NCEH1: variants seen among roughly 807,000 people sequenced by gnomAD.
NCEH1 encodes the protein neutral cholesterol ester hydrolase 1.
Under a neutral mutation model 25.4 loss-of-function variants are expected in NCEH1, and 9 were observed. The ratio of observed to expected loss-of-function variants is 0.35; its 90% CI spans 0.21 to 0.62. The LOEUF (loss-of-function observed/expected upper bound fraction) is 0.62. NCEH1 is among the 20% of genes least tolerant of loss of function. NCEH1 has a pLI of 0.72. For synonymous variants in NCEH1, 200 were observed against 199.8 expected (o/e 1.00, Z -0.01); for missense variants, 412 against 501.1 (o/e 0.82, Z 1.70).
chr3:172,663,537 A>G (rs570761005), intron 1 of NCEH1, among the ~76,000 whole-genome samples: 1 of 152,232 alleles, frequency 6.6e-6, no homozygotes, highest in African/African-American at 2.4e-5. Context: ...TGCCTCGTTG[A>G]TCTGTCTAAT....
At chr3:172,666,834 C>T (rs1718230338) in intron 1 of NCEH1, among the ~76,000 whole-genome samples, 1 of 152,252 alleles carries the variant, frequency 6.6e-6, no homozygotes, top group African/African-American at 2.4e-5. Context: ...TTTTTACAGC[C>T]TAGAGAAGTA....
Position 172,632,513 on chromosome 3 carries a change from A to ATG in NCEH1, c.*961_*962insCA, listed in dbSNP as rs1177209353. 2 of 152,604 alleles carry ATG rather than the reference A, an allele frequency of 1.3e-5. No homozygotes were observed. The highest frequency in any genetic ancestry group is 2.9e-5 in the Non-Finnish European group (2 of 68,038). The allele number at this position is 152,604 out of a possible 1,614,324, so 9.5% of individuals were successfully genotyped here. ...AAGTGAAAAAATTGAGTTTTCAATA[A>ATG]TAGACTAGACCTTCTAAAGGTATTT... On this transcript the variant is annotated 3_prime_UTR_variant, in exon 5 of 5. Transcript: ENST00000475381.
At position 172,668,509 on chromosome 3, in the gene NCEH1, C is replaced by T. The variant is rs375116144; in HGVS notation, c.139-20395G>A. ...AGCTGGGACTACAGGCACCTGCCAC[C>T]ACACCTGGCTAATTTTTGTATTTTT... On this transcript the variant is annotated intron_variant, in intron 1 of 4. Transcript: ENST00000475381. Among the ~76,000 whole-genome samples the T allele has an allele frequency of 2.6e-5, 4 of 152,028 alleles. No homozygotes were observed. The South Asian group carries it at 6.2e-4, about 24-fold the overall frequency.
intron 1 of NCEH1, among the ~76,000 whole-genome samples, chr3:172,710,307 T>C (rs1317583204): frequency 1.3e-5 from 2 of 152,216 alleles, no homozygotes; most frequent in Non-Finnish European, 2.9e-5. Context: ...CTATGGTTCC[T>C]CAAGTGCTTG....
chr3:172,656,967 C>T (rs1717726187), intron 1 of NCEH1, among the ~76,000 whole-genome samples: 1 of 152,130 alleles, frequency 6.6e-6, no homozygotes, highest in Admixed American at 6.6e-5. Flanking sequence ...ACTTTCTTCC[C>T]TCTTCTCCAG....
intron 1 of NCEH1, among the ~76,000 whole-genome samples, chr3:172,707,846 A>T (rs1053729874): frequency 9.9e-5 from 15 of 152,216 alleles, no homozygotes; most frequent in Non-Finnish European, 1.5e-4. Context: ...TCGGCCTCCC[A>T]AAGTGCTGGG....
intron 1 of NCEH1, among the ~76,000 whole-genome samples, chr3:172,653,558 G>A (rs1015348055): frequency 1.5e-4 from 23 of 152,068 alleles, no homozygotes; most frequent in Non-Finnish European, 5.9e-5. Context: ...ATAAAGGGTT[G>A]CACAAGCTCA....
chr3:172,642,603 C>CAAAAAAAAAAAAA (rs66551744), intron 3 of NCEH1, among the ~76,000 whole-genome samples: 1 of 83,904 alleles, frequency 1.2e-5, no homozygotes, highest in East Asian at 2.9e-4. Flanking sequence ...GCTATTTCTA[C>CAAAAAAAAAAAAA]AAAAAAAAAA....
At chr3:172,651,234 G>A (rs1234432307) in intron 1 of NCEH1, among the ~76,000 whole-genome samples, 2 of 152,054 alleles carry the variant, frequency 1.3e-5, no homozygotes, top group African/African-American at 4.8e-5. Flanking sequence ...AGGGGCTGCA[G>A]GACTTACAGA....
chr3:172,638,373 T>A (rs1486966605), intron 3 of NCEH1, among the ~76,000 whole-genome samples: 3 of 147,798 alleles, frequency 2.0e-5, no homozygotes, highest in Non-Finnish European at 3.0e-5. Flanking sequence ...CCATCTGGGG[T>A]GGTCAATTAA....
intron 1 of NCEH1, among the ~76,000 whole-genome samples, chr3:172,665,894 C>T (rs1294109506): frequency 2.6e-5 from 4 of 152,226 alleles, no homozygotes; most frequent in South Asian, 2.1e-4. Context: ...TCTGTCACAG[C>T]TTCCCTTGGC....
chr3:172,697,999 C>T (rs576742090), intron 1 of NCEH1, among the ~76,000 whole-genome samples: 53 of 100,366 alleles, frequency 5.3e-4, no homozygotes, highest in Middle Eastern at 9.8e-3. Context: ...TTTTTTGAGA[C>T]GGAGTCTCAC....
intron 1 of NCEH1, among the ~76,000 whole-genome samples, chr3:172,695,713 G>A (rs546726568): frequency 6.6e-6 from 1 of 152,262 alleles, no homozygotes; most frequent in South Asian, 2.1e-4. Context: ...GGAGGCCGAG[G>A]TGGGTGGATC....
chr3:172,666,540 A>G (rs1410199807), intron 1 of NCEH1, among the ~76,000 whole-genome samples: 1 of 152,122 alleles, frequency 6.6e-6, no homozygotes, highest in Non-Finnish European at 1.5e-5. Flanking sequence ...CTTGCCTAAT[A>G]AACTCTCCAC....
At chr3:172,641,081 AGAGT>A (rs1380321717) in intron 3 of NCEH1, among the ~76,000 whole-genome samples, 1 of 152,196 alleles carries the variant, frequency 6.6e-6, no homozygotes, top group Non-Finnish European at 1.5e-5. Flanking sequence ...CCTAGGCAAC[AGAGT>A]GAGACTCTGT....
intron 1 of NCEH1, among the ~76,000 whole-genome samples, chr3:172,656,490 G>T (rs1244340891): frequency 6.6e-6 from 1 of 152,126 alleles, no homozygotes; most frequent in Non-Finnish European, 1.5e-5. Flanking sequence ...TTTTTGGCTG[G>T]GCGCAGTGGC....
chr3:172,683,580 G>A (rs1712527915), intron 1 of NCEH1, among the ~76,000 whole-genome samples: 1 of 151,972 alleles, frequency 6.6e-6, no homozygotes, highest in Non-Finnish European at 1.5e-5. Context: ...TCAGGAGGCT[G>A]AGATGGGAGG....
Position 172,690,858 on chromosome 3 carries a change from AT to A in NCEH1, c.138+19988del, listed in dbSNP as rs546888936. Among the ~76,000 whole-genome samples, 1,095 of 151,732 alleles carry A rather than the reference AT, an allele frequency of 7.2e-3. 12 individuals are homozygous for A. Among genetic ancestry groups the A allele is most frequent in the Non-Finnish European group, 0.013 (851 of 67,884 alleles). Reference sequence around the variant, plus strand: ...TTGTGTTAAGGTGAGATTATAGGTAATTTTTTTTTCTATTTTCCAAAATTTC... The same window carrying A: ...TTGTGTTAAGGTGAGATTATAGGTAATTTTTTTTCTATTTTCCAAAATTTC... On this transcript the variant is annotated intron_variant, in intron 1 of 4. Transcript: ENST00000475381.
At chr3:172,674,959 A>G (rs150222101) in intron 1 of NCEH1, among the ~76,000 whole-genome samples, 1,590 of 152,322 alleles carry the variant, frequency 0.01, 18 homozygotes, top group Non-Finnish European at 0.016. Context: ...AAGGTTGGTA[A>G]TATAATGCAC....
Sources: allele counts gnomAD v4.1 joint callset (sites outside exome capture counted in the v4.1 genomes callset), GRCh38; gene constraint gnomAD v4.1.1; transcripts MANE v1.5; gene names NCBI Gene and HGNC (gene_info 2026-07-23, HGNC 2026-07-21).